The following HP1BP3 variants were observed in gnomAD, a reference collection of about 807,000 sequenced individuals.
HP1BP3 encodes the protein heterochromatin protein 1-binding protein 3.
A neutral mutation model predicts 62.5 loss-of-function variants in HP1BP3; 12 were observed. That is an observed-to-expected ratio of 0.19 (90% CI 0.12 to 0.31). The LOEUF (loss-of-function observed/expected upper bound fraction) is 0.31. HP1BP3 is among the 10% of genes least tolerant of loss of function. The pLI, the probability that HP1BP3 is intolerant of heterozygous loss-of-function variation, is 1.00. For missense variants in HP1BP3, 502 were observed against 651.8 expected (o/e 0.77, Z 2.50); for synonymous variants, 260 against 237.8 (o/e 1.09, Z -0.86).
chr1:20,769,409 T>C (rs1167834063), intron 6 of HP1BP3, among the ~76,000 whole-genome samples: 1 of 151,468 alleles, frequency 6.6e-6, no homozygotes, highest in Non-Finnish European at 1.5e-5. Context: ...AATACAAAAA[T>C]TAGCTGGGTG....
chr1:20,742,749 A>G lies in HP1BP3; in HGVS notation c.*2048T>C, dbSNP rs2154539297. The G allele has an allele frequency of 6.5e-6, 1 of 152,814 alleles. No homozygotes were observed. Among genetic ancestry groups the G allele is most frequent in the East Asian group, 1.9e-4 (1 of 5,194 alleles). 9.5% of individuals were successfully genotyped at this position (152,814 alleles called of 1,614,324 possible). A position where few individuals can be genotyped will look rare whatever the true frequency, so the allele number is the denominator to read the frequency against. On this transcript the variant is annotated 3_prime_UTR_variant, in exon 13 of 13. Coordinates refer to ENST00000438032, the MANE Select transcript of HP1BP3 (RefSeq NM_001372052.1). ...ACATTAAAAAAGGAAGATTTACAAC[A>G]GGAAAGATTGCCTTACATGCAACAC...
At chr1:20,746,943 G>A (rs555927056) in intron 11 of HP1BP3, among the ~76,000 whole-genome samples, 1 of 152,172 alleles carries the variant, frequency 6.6e-6, no homozygotes, top group South Asian at 2.1e-4. Flanking sequence ...TTGAGCCCAG[G>A]AGGCGGAGAT....
chr1:20,748,367 G>A (rs1254004733), intron 10 of HP1BP3, among the ~76,000 whole-genome samples: 1 of 152,102 alleles, frequency 6.6e-6, no homozygotes, highest in Non-Finnish European at 1.5e-5. Flanking sequence ...ATATTTTATG[G>A]TGATTCAGTA....
intron 9 of HP1BP3, 108 bp downstream of exon 9, chr1:20,757,058 T>G: frequency 1.6e-6 from 1 of 628,028 alleles, no homozygotes; most frequent in South Asian, 2.2e-5. Context: ...ATAACCCACA[T>G]AAACAAAAGT....
chr1:20,780,279 G>A lies in HP1BP3; in HGVS notation c.96+66C>T, dbSNP rs1001770735. 42 of 1,130,414 alleles carry A rather than the reference G, an allele frequency of 3.7e-5. No homozygotes were observed. In the Middle Eastern group the frequency reaches 6.2e-4, roughly 17 times the overall value. 70.0% of individuals were successfully genotyped at this position (1,130,414 alleles called of 1,614,324 possible). A position where few individuals can be genotyped will look rare whatever the true frequency, so the allele number is the denominator to read the frequency against. ...AAGGGAAGGAACATGTACCAAGAAG[G>A]ACCCAGCAGGGCCTGAAGTCAGGGA... is the stretch of plus-strand genomic sequence containing the variant. On this transcript the variant is annotated intron_variant, in intron 2 of 12. Coordinates refer to ENST00000438032, the MANE Select transcript of HP1BP3 (RefSeq NM_001372052.1).
At chr1:20,769,673 C>T (rs928685612) in intron 6 of HP1BP3, among the ~76,000 whole-genome samples, 6 of 152,142 alleles carry the variant, frequency 3.9e-5, no homozygotes, top group East Asian at 1.9e-4. Context: ...CCCACCTCAG[C>T]GTACAGGTAT....
Position 20,779,925 on chromosome 1 carries a change from T to TG in HP1BP3, c.97-15dup. 1 of 1,595,870 alleles carries TG rather than the reference T, an allele frequency of 6.3e-7. No individual in the cohort carries two copies. The highest frequency in any genetic ancestry group is 1.3e-5 in the African/African-American group (1 of 74,570). On this transcript the variant is annotated splice_polypyrimidine_tract_variant and intron_variant, in intron 2 of 12. Coordinates refer to ENST00000438032, the MANE Select transcript of HP1BP3 (RefSeq NM_001372052.1). The stretch of plus-strand genomic sequence containing the variant: ...ATCTTCTACCTTCTAAGAAAAGAGA[T>TG]GGCCATAATCAAACATGCATTAAAA...
chr1:20,750,592 TTCTGAA>T (rs997764677), intron 9 of HP1BP3, among the ~76,000 whole-genome samples: 11 of 151,354 alleles, frequency 7.3e-5, no homozygotes, highest in Non-Finnish European at 1.5e-5. Flanking sequence ...TACTTCACTT[TTCTGAA>T]TCTGAAAAAT....
chr1:20,782,035 T>C (rs752147752), intron 1 of HP1BP3, among the ~76,000 whole-genome samples: 10 of 152,248 alleles, frequency 6.6e-5, no homozygotes, highest in African/African-American at 9.6e-5. Flanking sequence ...AGTAAAGTTA[T>C]ATTGCTAATG....
At position 20,744,816 on chromosome 1, in the gene HP1BP3, GACT is replaced by G; in HGVS notation, c.1640_1642del (p.Lys547_Ser548delinsThr). 2.5e-6 allele frequency: 4 copies of G among 1,606,956 alleles called. No homozygotes were observed. The highest frequency in any genetic ancestry group is 3.4e-6 in the Non-Finnish European group (4 of 1,178,298). On this transcript the variant is annotated inframe_deletion, in exon 13 of 13. Coordinates refer to ENST00000438032, the MANE Select transcript of HP1BP3 (RefSeq NM_001372052.1). ...TAAAATTTACTTTTTCACTCTGAAA[GACT>G]TCTTCATGGTGGATTTGCCCTTGCC...
chr1:20,762,187 T>C (rs1039501819), intron 8 of HP1BP3, among the ~76,000 whole-genome samples: 6 of 152,154 alleles, frequency 3.9e-5, no homozygotes, highest in African/African-American at 7.2e-5. Flanking sequence ...AAAATCAATA[T>C]GGTTTCACAT....
chr1:20,750,056 C>T (rs1240277228), intron 9 of HP1BP3, 174 bp from the exon 10 acceptor site: 5 of 1,302,748 alleles, frequency 3.8e-6, no homozygotes, highest in Non-Finnish European at 5.0e-6. Flanking sequence ...TTCAATCTAA[C>T]TGAGAAGTCC....
intron 11 of HP1BP3, among the ~76,000 whole-genome samples, chr1:20,746,995 T>C (rs1254852406): frequency 1.3e-5 from 2 of 152,104 alleles, no homozygotes; most frequent in African/African-American, 2.4e-5. Context: ...GCCTGGGCGA[T>C]AGAGTGAGAC....
chr1:20,769,770 C>T (rs2056969702), intron 6 of HP1BP3, among the ~76,000 whole-genome samples: 2 of 152,116 alleles, frequency 1.3e-5, no homozygotes, highest in African/African-American at 2.4e-5. Context: ...CTCCTAGCTC[C>T]ACAGAGCAGC....
chr1:20,748,472 C>T (rs1175796853), intron 10 of HP1BP3, among the ~76,000 whole-genome samples: 3 of 152,230 alleles, frequency 2.0e-5, no homozygotes, highest in Non-Finnish European at 4.4e-5. Context: ...ATAGGCCGGG[C>T]GTGGCGGCTC....
rs1221850543 is a variant in HP1BP3, at chr1:20,742,170, TA to T, written c.*2626del. On this transcript the variant is annotated 3_prime_UTR_variant, in exon 13 of 13. Coordinates refer to ENST00000438032, the MANE Select transcript of HP1BP3 (RefSeq NM_001372052.1). ...GTAAGTCTCTTTAAAAGCAGTATCA[TA>T]AAGCAAAGAAACCAACCAAAATCTC... 1.3e-5 allele frequency among the ~76,000 whole-genome samples: 2 copies of T among 152,194 alleles called. No homozygotes were observed. Among genetic ancestry groups the T allele is most frequent in the African/African-American group, 4.8e-5 (2 of 41,444 alleles).
intron 4 of HP1BP3, 175 bp downstream of exon 4, chr1:20,776,422 T>G (rs893392707): frequency 1.7e-6 from 1 of 574,422 alleles, no homozygotes; most frequent in Non-Finnish European, 3.0e-6. Flanking sequence ...CTACAGCATA[T>G]TCTAACAGGT....
At chr1:20,779,409 C>CATT (rs971873067) in intron 3 of HP1BP3, among the ~76,000 whole-genome samples, 1 of 152,072 alleles carries the variant, frequency 6.6e-6, no homozygotes, top group African/African-American at 2.4e-5. Flanking sequence ...AACAGATCAC[C>CATT]ATTTGCTTCT....
intron 4 of HP1BP3, 183 bp downstream of exon 4, chr1:20,776,414 A>G (rs1245022740): frequency 2.2e-5 from 12 of 553,398 alleles, no homozygotes; most frequent in Middle Eastern, 4.8e-4. Flanking sequence ...TCTGCTAACT[A>G]CAGCATATTC....
Sources: allele counts gnomAD v4.1 joint callset (sites outside exome capture counted in the v4.1 genomes callset), GRCh38; gene constraint gnomAD v4.1.1; transcripts MANE v1.5; gene names NCBI Gene and HGNC (gene_info 2026-07-23, HGNC 2026-07-21).